Variants in ADGRB3 observed in about 807,000 individuals in gnomAD.
ADGRB3 encodes the protein brain-specific angiogenesis inhibitor 3.
In ADGRB3, 37 loss-of-function variants were observed where a neutral mutation model predicts 193.4. That is an observed-to-expected ratio of 0.19 (90% CI 0.15 to 0.25). The LOEUF is 0.25. Ranked by LOEUF, ADGRB3 falls within the 10% of genes least tolerant of loss-of-function variation. The probability of loss-of-function intolerance (pLI) is 1.00; values close to 1 mark genes in which losing one functional copy is unlikely to be tolerated. For synonymous variants in ADGRB3, 690 were observed against 644.2 expected, an observed-to-expected ratio of 1.07 and a Z score of -1.08; for missense variants, 1,637 against 1,852.9, an observed-to-expected ratio of 0.88 and a Z score of 2.14.
At chr6:69,123,022 GTA>G (rs1554148523) in intron 17 of ADGRB3, among the ~76,000 whole-genome samples, 1 of 151,416 alleles carries the variant, frequency 6.6e-6, no homozygotes, top group Non-Finnish European at 1.5e-5. Flanking sequence ...GTGTGTGTGT[GTA>G]TGTGTGTTTG....
At position 68,752,525 on chromosome 6, in the gene ADGRB3, G is replaced by A. The variant is rs557544189; in HGVS notation, c.757+113093G>A. ...TGAACTCAGGTGATCCACCTGCCTC[G>A]GCCTCCCAAAGTGCTGGGATTACAG... is the stretch of plus-strand genomic sequence containing the variant. On this transcript the variant is annotated intron_variant, in intron 3 of 31. Transcript: ENST00000370598. Among the ~76,000 whole-genome samples, 228 of 152,098 alleles carry A rather than the reference G, an allele frequency of 1.5e-3. 1 individual carries two copies. Among genetic ancestry groups the A allele is most frequent in the African/African-American group, 5.1e-3 (212 of 41,488 alleles).
chr6:68,864,944 C>T (rs1765254040), intron 3 of ADGRB3, among the ~76,000 whole-genome samples: 1 of 152,114 alleles, frequency 6.6e-6, no homozygotes, highest in Admixed American at 6.6e-5. Context: ...GGTTTACACT[C>T]CACCTGAAAG....
intron 3 of ADGRB3, among the ~76,000 whole-genome samples, chr6:68,758,086 A>G (rs558861440): frequency 1.4e-4 from 21 of 152,094 alleles, no homozygotes; most frequent in Non-Finnish European, 2.5e-4. Context: ...CTCTGATAGG[A>G]TATAACCTTA....
chr6:69,035,343 G>A (rs935793275), intron 13 of ADGRB3, among the ~76,000 whole-genome samples: 2 of 138,340 alleles, frequency 1.4e-5, no homozygotes, highest in Non-Finnish European at 3.1e-5. Context: ...AAAGGTATAG[G>A]ACCTATGGGT....
intron 16 of ADGRB3, among the ~76,000 whole-genome samples, chr6:69,065,697 G>GA (rs1041882342): frequency 6.7e-6 from 1 of 148,770 alleles, no homozygotes; most frequent in Non-Finnish European, 1.5e-5. Flanking sequence ...GAAATGTGAA[G>GA]AAAAAATATA....
intron 30 of ADGRB3, among the ~76,000 whole-genome samples, chr6:69,381,872 T>G (rs1156924730): frequency 2.0e-5 from 3 of 151,900 alleles, no homozygotes; most frequent in Non-Finnish European, 4.4e-5. Flanking sequence ...TACACAAATA[T>G]GAAGGCATAG....
chr6:68,787,933 T>C (rs1767011263), intron 3 of ADGRB3, among the ~76,000 whole-genome samples: 1 of 152,212 alleles, frequency 6.6e-6, no homozygotes, highest in South Asian at 2.1e-4. Context: ...TTTTCTAGTT[T>C]ATTTGCATAG....
intron 3 of ADGRB3, among the ~76,000 whole-genome samples, chr6:68,644,055 A>G (rs955113040): frequency 1.3e-5 from 2 of 151,948 alleles, no homozygotes; most frequent in Non-Finnish European, 1.5e-5. Flanking sequence ...TATCCAGCAC[A>G]CTCTGAACAT....
At chr6:69,268,827 G>A (rs991986962) in intron 20 of ADGRB3, among the ~76,000 whole-genome samples, 11 of 152,038 alleles carry the variant, frequency 7.2e-5, no homozygotes, top group African/African-American at 2.7e-4. Context: ...CGGGTCTAGG[G>A]GCAGGACTGG....
chr6:69,233,394 T>G lies in ADGRB3; in HGVS notation c.2585T>G (p.Leu862Trp). 1 of 1,614,156 alleles carries G rather than the reference T, an allele frequency of 6.2e-7. No individual in the cohort carries two copies. The highest frequency in any genetic ancestry group is 8.5e-7 in the Non-Finnish European group (1 of 1,180,016). Residue 862 changes from leucine (L) to tryptophan (W), a missense_variant, in exon 18 of 32, where the codon TTG becomes TGG. Physicochemically the swap from Leu to Trp is moderately conservative, Grantham distance 61 (BLOSUM62 -2). Coordinates refer to ENST00000370598, the MANE Select transcript of ADGRB3 (RefSeq NM_001704.3). ...GATCGTCTCTCTACCTTCGCCATTT[T>G]GGCTCAGCAACCTAGAGAAATAGTA... ...LCDRLSTFAI[L>W]AQQPREIIME...
intron 17 of ADGRB3, among the ~76,000 whole-genome samples, chr6:69,119,740 C>T (rs545237860): frequency 9.2e-5 from 14 of 152,022 alleles, no homozygotes; most frequent in African/African-American, 2.4e-4. Context: ...TTATCAGGAG[C>T]GGAGCATGGA....
At chr6:69,091,775 C>T (rs1772716642) in intron 17 of ADGRB3, among the ~76,000 whole-genome samples, 1 of 151,938 alleles carries the variant, frequency 6.6e-6, no homozygotes, top group Non-Finnish European at 1.5e-5. Flanking sequence ...ACTTTGTACT[C>T]CTGAACTTAA....
chr6:69,239,592 T>G (rs1042450152), intron 20 of ADGRB3, among the ~76,000 whole-genome samples: 1 of 152,038 alleles, frequency 6.6e-6, no homozygotes, highest in African/African-American at 2.4e-5. Flanking sequence ...TTTGGTCTAA[T>G]TTATTAACAT....
chr6:68,827,483 G>A (rs1767866973), intron 3 of ADGRB3, among the ~76,000 whole-genome samples: 1 of 151,800 alleles, frequency 6.6e-6, no homozygotes, highest in Admixed American at 6.6e-5. Context: ...GTTTGTAGAG[G>A]GAAAAATCTG....
chr6:69,207,567 A>G (rs1235114224), intron 17 of ADGRB3, among the ~76,000 whole-genome samples: 3 of 152,184 alleles, frequency 2.0e-5, no homozygotes, highest in African/African-American at 7.2e-5. Flanking sequence ...AATCCTGTCT[A>G]TAAGAGAAAC....
chr6:69,009,538 G>A (rs2150283247), intron 11 of ADGRB3, among the ~76,000 whole-genome samples: 1 of 152,224 alleles, frequency 6.6e-6, no homozygotes, highest in South Asian at 2.1e-4. Context: ...ATAAGATAAA[G>A]TTGGAGAGAC....
At chr6:68,765,957 A>T (rs1183816558) in intron 3 of ADGRB3, among the ~76,000 whole-genome samples, 2 of 151,956 alleles carry the variant, frequency 1.3e-5, no homozygotes. Flanking sequence ...GTTTTTTGAA[A>T]TTTTTTGGTA....
At chr6:69,186,921 G>A (rs1242134700) in intron 17 of ADGRB3, among the ~76,000 whole-genome samples, 3 of 148,834 alleles carry the variant, frequency 2.0e-5, no homozygotes, top group Non-Finnish European at 4.5e-5. Context: ...TATAGTCATA[G>A]CAAGGTTTTT....
chr6:69,168,626 G>T lies in ADGRB3; in HGVS notation c.2481-64664G>T, dbSNP rs1775190823. 2.6e-5 allele frequency among the ~76,000 whole-genome samples: 4 copies of T among 151,216 alleles called. No homozygotes were observed. The South Asian group carries it at 8.4e-4, about 32-fold the overall frequency. On this transcript the variant is annotated intron_variant, in intron 17 of 31. Transcript: ENST00000370598. ...CTCTCACTGATTATGGCTTATAGTG[G>T]GTATGAGCCATAATTTAAAATTAAT... is the stretch of plus-strand genomic sequence containing the variant.
Sources: allele counts gnomAD v4.1 joint callset (sites outside exome capture counted in the v4.1 genomes callset), GRCh38; gene constraint gnomAD v4.1.1; transcripts MANE v1.5; gene names NCBI Gene and HGNC (gene_info 2026-07-23, HGNC 2026-07-21).